Variants in NDFIP1 observed in about 807,000 individuals in gnomAD.
The protein encoded by NDFIP1 is NEDD4 family-interacting protein 1.
NDFIP1 carries 7 observed loss-of-function variants against 28.8 expected under a neutral mutation model. The observed-to-expected ratio is 0.24, with a 90% CI of 0.14 to 0.46. The LOEUF (loss-of-function observed/expected upper bound fraction) is 0.46. NDFIP1 is among the 20% of genes least tolerant of loss of function. The pLI, the probability that NDFIP1 is intolerant of heterozygous loss-of-function variation, is 0.99. For synonymous variants in NDFIP1, 92 were observed against 101.0 expected (o/e 0.91, Z 0.53); for missense variants, 194 against 269.1 (o/e 0.72, Z 1.95).
rs920744627 is a variant in NDFIP1 at position 142,109,885 on chromosome 5, C to T, written c.63+848C>T. Among the ~76,000 whole-genome samples, 7 of 152,262 alleles carry T rather than the reference C, an allele frequency of 4.6e-5. No homozygotes were observed. In the East Asian group the frequency reaches 1.3e-3, roughly 29 times the overall value. ...AGGGTTTTTGGAAGTGTTAATCTAA[C>T]ATACAGTAATGGTGGGAATTGAGCC... On this transcript the variant is annotated intron_variant, in intron 1 of 7. Coordinates refer to ENST00000253814, the MANE Select transcript of NDFIP1 (RefSeq NM_030571.4).
chr5:142,127,374 G>A (rs1757180954), intron 1 of NDFIP1, among the ~76,000 whole-genome samples: 1 of 152,120 alleles, frequency 6.6e-6, no homozygotes, highest in Non-Finnish European at 1.5e-5. Flanking sequence ...CAAGGCCAAA[G>A]GCACCATGGC....
Position 142,135,710 on chromosome 5 carries a change from T to C in NDFIP1, c.283-20T>C. On this transcript the variant is annotated intron_variant, in intron 3 of 7. Transcript: ENST00000253814. ...ATGTCTTCCCTTTGCCTAGAAATAATTCTTTTTCTTTTCATTTAGGATGAG... is the reference window on the plus strand; with the variant it reads ...ATGTCTTCCCTTTGCCTAGAAATAACTCTTTTTCTTTTCATTTAGGATGAG... 1 of 1,602,052 alleles carries C rather than the reference T, an allele frequency of 6.2e-7. No individual in the cohort carries two copies. The highest frequency in any genetic ancestry group is 8.6e-7 in the Non-Finnish European group (1 of 1,169,404).
intron 1 of NDFIP1, among the ~76,000 whole-genome samples, chr5:142,115,990 T>A (rs984731849): frequency 1.3e-5 from 2 of 152,238 alleles, no homozygotes; most frequent in African/African-American, 4.8e-5. Flanking sequence ...ATGAGGTAGG[T>A]TATGTGTAAA....
chr5:142,138,096 C>T, intron 5 of NDFIP1: 3 of 385,004 alleles, frequency 7.8e-6, no homozygotes, highest in Non-Finnish European at 9.3e-6. Context: ...TCACCATCTG[C>T]TTTGTTTGTT....
intron 4 of NDFIP1, among the ~76,000 whole-genome samples, chr5:142,136,755 CAAAA>C (rs33932095): frequency 7.8e-5 from 6 of 76,448 alleles, no homozygotes; most frequent in Non-Finnish European, 1.4e-4. Context: ...GACTTCGTCT[CAAAA>C]AAAAAAAAAA....
chr5:142,120,748 A>G (rs116544555), intron 1 of NDFIP1, among the ~76,000 whole-genome samples: 3 of 152,340 alleles, frequency 2.0e-5, no homozygotes, highest in African/African-American at 7.2e-5. Flanking sequence ...GACACATTTA[A>G]TGAGAGTTGT....
chr5:142,135,127 C>T (rs980289845), intron 3 of NDFIP1, among the ~76,000 whole-genome samples: 8 of 149,908 alleles, frequency 5.3e-5, no homozygotes, highest in Non-Finnish European at 8.9e-5. Flanking sequence ...TACAGGTGCC[C>T]GCCACCACTC....
intron 1 of NDFIP1, among the ~76,000 whole-genome samples, chr5:142,128,540 G>T (rs1371080059): frequency 6.6e-6 from 1 of 152,066 alleles, no homozygotes; most frequent in Non-Finnish European, 1.5e-5. Flanking sequence ...CATGCAGATG[G>T]CAGGCACTAA....
intron 1 of NDFIP1, among the ~76,000 whole-genome samples, chr5:142,128,489 G>T (rs962298201): frequency 6.6e-6 from 1 of 152,166 alleles, no homozygotes; most frequent in Non-Finnish European, 1.5e-5. Context: ...AGTGTAAAAA[G>T]ATGTATATTT....
chr5:142,118,694 A>G (rs1757093866), intron 1 of NDFIP1, among the ~76,000 whole-genome samples: 1 of 152,220 alleles, frequency 6.6e-6, no homozygotes, highest in African/African-American at 2.4e-5. Context: ...CTGAGGGCCA[A>G]GTATTGACAT....
In NDFIP1 at chr5:142,153,608, A is replaced by ATT; in HGVS notation, c.*1890_*1891dup. Reference sequence around the variant, plus strand: ...GAGTTTTATGGAAGTTTCTTTGAAGATTTTTTTTTTTCCATTTCGAATCAG... The same window carrying ATT: ...GAGTTTTATGGAAGTTTCTTTGAAGATTTTTTTTTTTTTCCATTTCGAATCAG... On this transcript the variant is annotated 3_prime_UTR_variant, in exon 8 of 8. Transcript: ENST00000253814. The ATT allele has an allele frequency of 1.1e-5, 3 of 275,228 alleles. No individual in the cohort carries two copies. Among genetic ancestry groups the ATT allele is most frequent in the Non-Finnish European group, 2.2e-5 (3 of 135,336 alleles). 17.0% of individuals were successfully genotyped at this position (275,228 alleles called of 1,614,324 possible). A position where few individuals can be genotyped will look rare whatever the true frequency, so the allele number is the denominator to read the frequency against.
chr5:142,145,180 C>T (rs544595105), intron 7 of NDFIP1, among the ~76,000 whole-genome samples: 32 of 152,292 alleles, frequency 2.1e-4, no homozygotes, highest in African/African-American at 7.2e-4. Context: ...GAGGCTTTCC[C>T]CATGGCTTTC....
At chr5:142,125,426 A>G (rs6883827) in intron 1 of NDFIP1, among the ~76,000 whole-genome samples, 102,641 of 152,058 alleles carry the variant, frequency 0.68, 34,983 homozygotes, top group African/African-American at 0.78. Flanking sequence ...GCAACAGACT[A>G]GACTGGACTC....
At chr5:142,146,165 A>G (rs1356876793) in intron 7 of NDFIP1, among the ~76,000 whole-genome samples, 1 of 152,204 alleles carries the variant, frequency 6.6e-6, no homozygotes, top group African/African-American at 2.4e-5. Context: ...ATGTAGGTAA[A>G]GAAGGCTTAA....
Position 142,129,828 on chromosome 5 carries a change from T to C in NDFIP1, c.64-1980T>C, listed in dbSNP as rs1232955024. The stretch of plus-strand genomic sequence containing the variant: ...TTGGAGTCTGAGGCAACAGAATTGC[T>C]TGAACCTGGGAGGTGGAGGTTTCAG... On this transcript the variant is annotated intron_variant, in intron 1 of 7. Coordinates refer to ENST00000253814, the MANE Select transcript of NDFIP1 (RefSeq NM_030571.4). Among the ~76,000 whole-genome samples the C allele has an allele frequency of 2.6e-5, 4 of 151,282 alleles. No individual in the cohort carries two copies. In the East Asian group the frequency reaches 7.8e-4, roughly 29 times the overall value.
chr5:142,116,632 A>G (rs1370781465), intron 1 of NDFIP1, among the ~76,000 whole-genome samples: 1 of 151,796 alleles, frequency 6.6e-6, no homozygotes, highest in Non-Finnish European at 1.5e-5. Flanking sequence ...GCTTACAGAG[A>G]TTACAGGTGT....
intron 7 of NDFIP1, among the ~76,000 whole-genome samples, chr5:142,149,207 T>A (rs965314400): frequency 6.6e-6 from 1 of 152,152 alleles, no homozygotes; most frequent in South Asian, 2.1e-4. Flanking sequence ...GACACTTTCA[T>A]TTCTCCTTTT....
At chr5:142,141,852 C>A (rs1757335003) in intron 6 of NDFIP1, among the ~76,000 whole-genome samples, 1 of 152,138 alleles carries the variant, frequency 6.6e-6, no homozygotes, top group Admixed American at 6.5e-5. Context: ...GGACCTGGGC[C>A]AGGCATGGTG....
chr5:142,114,641 C>T lies in NDFIP1; in HGVS notation c.63+5604C>T, dbSNP rs139324456. Among the ~76,000 whole-genome samples the T allele has an allele frequency of 2.7e-3, 411 of 152,146 alleles. 2 individuals are homozygous for T. The highest frequency in any genetic ancestry group is 9.4e-3 in the African/African-American group (391 of 41,486). ...TATTGATAAATATTTCTATGTGTAA[C>T]GCTAAAAGAAAACAAATGGTATGAT... On this transcript the variant is annotated intron_variant, in intron 1 of 7. Transcript: ENST00000253814.
Sources: gnomAD v4.1 joint callset for allele counts (sites outside exome capture counted in the v4.1 genomes callset) on GRCh38, gnomAD v4.1.1 for gene constraint, MANE v1.5 for transcripts, NCBI Gene and HGNC (gene_info 2026-07-23, HGNC 2026-07-21) for gene names.